C9orf85: variants seen among roughly 807,000 people sequenced by gnomAD.
The protein encoded by C9orf85 is chromosome 9 open reading frame 85, also known as uncharacterized protein C9orf85.
In C9orf85, 16 loss-of-function variants were observed where a neutral mutation model predicts 14.9. The observed-to-expected ratio is 1.08, with a 90% CI of 0.73 to 1.63. The LOEUF is 1.63. Ranked by LOEUF, C9orf85 falls within the 40% of genes most tolerant of loss-of-function variation. The pLI is 0.00. For missense variants in C9orf85, 172 were observed against 186.1 expected (o/e 0.92, Z 0.44); for synonymous variants, 45 against 56.8 (o/e 0.79, Z 0.93).
intron 1 of C9orf85, among the ~76,000 whole-genome samples, chr9:71,924,935 A>C (rs1452652049): frequency 6.6e-6 from 1 of 152,212 alleles, no homozygotes; most frequent in Non-Finnish European, 1.5e-5. Context: ...TATTGATATA[A>C]AATAGTATTG....
At chr9:71,966,747 AGAG>A (rs1822703149) in intron 2 of C9orf85, among the ~76,000 whole-genome samples, 1 of 152,306 alleles carries the variant, frequency 6.6e-6, no homozygotes, top group Admixed American at 6.5e-5. Flanking sequence ...GTGGGGGAGA[AGAG>A]GAGAAACCTG....
chr9:71,933,535 A>G (rs1463053977), intron 1 of C9orf85, among the ~76,000 whole-genome samples: 2 of 152,192 alleles, frequency 1.3e-5, no homozygotes, highest in South Asian at 4.1e-4. Context: ...TTTTCACTTA[A>G]AGGAACCACT....
chr9:71,950,451 T>G (rs959452203), intron 2 of C9orf85, among the ~76,000 whole-genome samples: 1 of 152,222 alleles, frequency 6.6e-6, no homozygotes, highest in Non-Finnish European at 1.5e-5. Context: ...CACTGCAGCC[T>G]CTGCCTCCTG....
downstream of C9orf85, among the ~76,000 whole-genome samples, chr9:71,974,998 T>G (rs1822975380): frequency 6.6e-6 from 1 of 152,180 alleles, no homozygotes; most frequent in Non-Finnish European, 1.5e-5. Flanking sequence ...ACTGAAATAC[T>G]TAAGGATGTA....
intron 1 of C9orf85, among the ~76,000 whole-genome samples, chr9:71,936,047 G>A (rs1250795435): frequency 6.6e-6 from 1 of 151,894 alleles, no homozygotes; most frequent in Non-Finnish European, 1.5e-5. Context: ...AGAGGAAGAA[G>A]TAAAAAAAGT....
chr9:71,935,699 TACAG>T (rs1564087678), intron 1 of C9orf85, among the ~76,000 whole-genome samples: 2 of 151,770 alleles, frequency 1.3e-5, no homozygotes, highest in Non-Finnish European at 2.9e-5. Context: ...TGTAAAATTA[TACAG>T]ACAGAAAGTG....
intron 3 of C9orf85, 51 bp from the exon 4 acceptor site, chr9:71,972,641 T>C: frequency 7.2e-7 from 1 of 1,380,156 alleles, no homozygotes; most frequent in South Asian, 1.3e-5. Flanking sequence ...TCTACATGGT[T>C]AAATAATGAT....
intron 1 of C9orf85, among the ~76,000 whole-genome samples, chr9:71,919,877 CTG>C (rs940567998): frequency 6.9e-5 from 10 of 145,422 alleles, no homozygotes; most frequent in Non-Finnish European, 1.0e-4. Context: ...TTTTTTGAGA[CTG>C]AATCTCTGTC....
At chr9:71,921,434 A>G (rs1434686240) in intron 1 of C9orf85, among the ~76,000 whole-genome samples, 1 of 152,220 alleles carries the variant, frequency 6.6e-6, no homozygotes, top group East Asian at 1.9e-4. Flanking sequence ...CTTTTAACCA[A>G]TTGCCAGTCA....
chr9:71,973,857 G>GT (rs760988080), downstream of C9orf85, among the ~76,000 whole-genome samples: 90 of 17,090 alleles, frequency 5.3e-3, no homozygotes, highest in Non-Finnish European at 0.017. Context: ...TCTGGGTTTT[G>GT]TTGTTTTTTT....
At chr9:71,985,188 G>C (rs1197522757), downstream of C9orf85, 1 of 152,140 alleles carries the variant, frequency 6.6e-6, no homozygotes, top group Non-Finnish European at 1.5e-5. Flanking sequence ...TTTTTATTGC[G>C]GGGGAGTGAT....
At chr9:71,964,914 T>C (rs1036356085) in intron 2 of C9orf85, among the ~76,000 whole-genome samples, 5 of 152,144 alleles carry the variant, frequency 3.3e-5, no homozygotes, top group Non-Finnish European at 7.3e-5. Flanking sequence ...CACTTAGCCG[T>C]GCAGGAACAA....
At chr9:71,928,186 C>CAAAA (rs58238164) in intron 1 of C9orf85, among the ~76,000 whole-genome samples, 8 of 74,282 alleles carry the variant, frequency 1.1e-4, no homozygotes, top group African/African-American at 4.5e-4. Context: ...GGCTCTGTCT[C>CAAAA]AAAAAAAAAA....
chr9:71,969,951 C>CTTTTT (rs56239010), intron 2 of C9orf85, among the ~76,000 whole-genome samples: 1 of 148,008 alleles, frequency 6.8e-6, no homozygotes, highest in Non-Finnish European at 1.5e-5. Flanking sequence ...AGGGTTTTTT[C>CTTTTT]TTTTTTTTTT....
At chr9:71,939,352 A>G (rs1015847565) in intron 1 of C9orf85, among the ~76,000 whole-genome samples, 2 of 152,098 alleles carry the variant, frequency 1.3e-5, no homozygotes, top group Non-Finnish European at 2.9e-5. Context: ...AAAAAATCCA[A>G]ATTACTATAG....
At chr9:71,976,568 A>G (rs1290091524), downstream of C9orf85, among the ~76,000 whole-genome samples, 1 of 151,976 alleles carries the variant, frequency 6.6e-6, no homozygotes, top group Admixed American at 6.6e-5. Context: ...AGGCTGAGGC[A>G]GGAGAATGGC....
intron 2 of C9orf85, among the ~76,000 whole-genome samples, chr9:71,956,701 C>T (rs937660098): frequency 1.3e-5 from 2 of 152,012 alleles, no homozygotes; most frequent in South Asian, 2.1e-4. Flanking sequence ...ATTTGGAATG[C>T]TCAACTCTTA....
chr9:71,920,301 T>TA (rs1226917451), intron 1 of C9orf85, among the ~76,000 whole-genome samples: 3 of 152,254 alleles, frequency 2.0e-5, no homozygotes, highest in Non-Finnish European at 2.9e-5. Context: ...GTACTATACT[T>TA]ACTGTTTTTA....
intron 1 of C9orf85, among the ~76,000 whole-genome samples, chr9:71,919,512 A>G (rs1827739247): frequency 6.6e-6 from 1 of 152,182 alleles, no homozygotes; most frequent in Non-Finnish European, 1.5e-5. Flanking sequence ...ATTCTTTGAT[A>G]TGTTTCCCAG....
Sources: allele counts gnomAD v4.1 joint callset (sites outside exome capture counted in the v4.1 genomes callset), GRCh38; gene constraint gnomAD v4.1.1; transcripts MANE v1.5; gene names NCBI Gene and HGNC (gene_info 2026-07-23, HGNC 2026-07-21).